Variants in HHAT observed in about 807,000 individuals in gnomAD.
HHAT encodes hedgehog acyltransferase, also known as protein-cysteine N-palmitoyltransferase HHAT.
HHAT carries 47 observed loss-of-function variants against 70.8 expected under a neutral mutation model. The ratio of observed to expected loss-of-function variants is 0.66; its 90% CI spans 0.53 to 0.85. The LOEUF (loss-of-function observed/expected upper bound fraction) is 0.85, where lower values mean the gene tolerates loss of function less well. Ranked by LOEUF, HHAT falls within the 40% of genes least tolerant of loss-of-function variation. The pLI, the probability that HHAT is intolerant of heterozygous loss-of-function variation, is 0.00. For synonymous variants in HHAT, 228 were observed against 247.6 expected (o/e 0.92, Z 0.74); for missense variants, 609 against 604.8 (o/e 1.01, Z -0.07).
At chr1:210,579,844 G>T (rs189948086) in intron 9 of HHAT, among the ~76,000 whole-genome samples, 2 of 152,162 alleles carry the variant, frequency 1.3e-5, no homozygotes, top group Non-Finnish European at 2.9e-5. Context: ...TAGAGCTTTT[G>T]TGAAGCCAGA....
At chr1:210,366,044 C>T (rs2088927231) in intron 3 of HHAT, among the ~76,000 whole-genome samples, 1 of 152,166 alleles carries the variant, frequency 6.6e-6, no homozygotes, top group Non-Finnish European at 1.5e-5. Context: ...GATCCTTCTG[C>T]CTCAGCCTCT....
chr1:210,353,264 G>A (rs1292892465), intron 2 of HHAT, among the ~76,000 whole-genome samples: 1 of 152,072 alleles, frequency 6.6e-6, no homozygotes, highest in Non-Finnish European at 1.5e-5. Context: ...ATGTGAAAAT[G>A]CAATGTACCA....
intron 9 of HHAT, among the ~76,000 whole-genome samples, chr1:210,516,894 C>T (rs902987954): frequency 5.9e-5 from 9 of 152,222 alleles, no homozygotes; most frequent in African/African-American, 2.2e-4. Flanking sequence ...GGACATGCTT[C>T]CTTTTAAGCC....
intron 7 of HHAT, among the ~76,000 whole-genome samples, chr1:210,422,271 T>C (rs1022625999): frequency 6.6e-6 from 1 of 152,234 alleles, no homozygotes; most frequent in African/African-American, 2.4e-5. Flanking sequence ...TTTCTTTGTG[T>C]TGGGAACATT....
rs143789072 is a variant in HHAT, at chr1:210,420,526, A to C, written c.856+2201A>C. On this transcript the variant is annotated intron_variant, in intron 7 of 11. Transcript: ENST00000261458. ...TCAAACTCTTTGGCACATTACCCAC[A>C]GTAAGAAATACATTTTGCCCTAATG... Among the ~76,000 whole-genome samples the C allele has an allele frequency of 2.5e-4, 38 of 152,316 alleles. No homozygotes were observed. The East Asian group carries it at 5.6e-3, about 22-fold the overall frequency.
chr1:210,546,353 A>G (rs1339497581), intron 9 of HHAT, among the ~76,000 whole-genome samples: 2 of 152,226 alleles, frequency 1.3e-5, no homozygotes, highest in Non-Finnish European at 2.9e-5. Context: ...GCCATGAAAC[A>G]TTTCAGGGAA....
At chr1:210,622,214 G>A (rs185527402) in intron 10 of HHAT, among the ~76,000 whole-genome samples, 32 of 152,272 alleles carry the variant, frequency 2.1e-4, no homozygotes, top group African/African-American at 7.5e-4. Flanking sequence ...TAATTGGAAC[G>A]CAGCTGAAAT....
At chr1:210,358,713 G>A (rs776716137) in intron 2 of HHAT, among the ~76,000 whole-genome samples, 3 of 152,208 alleles carry the variant, frequency 2.0e-5, no homozygotes. Context: ...AGCGGGGCAC[G>A]TGCCCCATGA....
intron 8 of HHAT, among the ~76,000 whole-genome samples, chr1:210,499,948 C>A (rs4298732): frequency 0.076 from 11,511 of 152,178 alleles, 596 homozygotes; most frequent in Non-Finnish European, 0.11. Context: ...ATAATAAAGT[C>A]AAATACATTT....
At chr1:210,571,539 C>T (rs923778072) in intron 9 of HHAT, among the ~76,000 whole-genome samples, 6 of 152,144 alleles carry the variant, frequency 3.9e-5, no homozygotes, top group Non-Finnish European at 7.4e-5. Context: ...CAACATTAGC[C>T]GCCTATACTG....
At chr1:210,634,818 C>T (rs1009389266) in intron 11 of HHAT, among the ~76,000 whole-genome samples, 3 of 152,192 alleles carry the variant, frequency 2.0e-5, no homozygotes, top group African/African-American at 7.2e-5. Flanking sequence ...AAATTTCTAT[C>T]AGCCAGGGCT....
chr1:210,552,069 A>G (rs1480212715), intron 9 of HHAT, among the ~76,000 whole-genome samples: 1 of 152,204 alleles, frequency 6.6e-6, no homozygotes, highest in Non-Finnish European at 1.5e-5. Flanking sequence ...CGTCTCCAGC[A>G]TTATTGATTG....
chr1:210,354,762 G>C (rs1034422426), intron 2 of HHAT, among the ~76,000 whole-genome samples: 1 of 152,184 alleles, frequency 6.6e-6, no homozygotes, highest in African/African-American at 2.4e-5. Context: ...AAATGCCTAA[G>C]TATCTGGAGT....
intron 11 of HHAT, among the ~76,000 whole-genome samples, chr1:210,663,691 C>T (rs1222151921): frequency 6.6e-6 from 1 of 152,174 alleles, no homozygotes; most frequent in East Asian, 1.9e-4. Context: ...AACAGTAGTT[C>T]CCAAAGTGTG....
intron 7 of HHAT, among the ~76,000 whole-genome samples, chr1:210,448,518 T>A (rs2093681800): frequency 6.6e-6 from 1 of 152,176 alleles, no homozygotes; most frequent in Admixed American, 6.5e-5. Flanking sequence ...ATTTAAGCAA[T>A]TCAAATTAGA....
At chr1:210,423,335 C>A (rs1005665148) in intron 7 of HHAT, among the ~76,000 whole-genome samples, 5 of 152,102 alleles carry the variant, frequency 3.3e-5, no homozygotes, top group African/African-American at 1.2e-4. Context: ...TGATATTGAG[C>A]TTTTCACATA....
chr1:210,606,741 A>G (rs986760581), intron 10 of HHAT, among the ~76,000 whole-genome samples: 1 of 152,032 alleles, frequency 6.6e-6, no homozygotes, highest in Non-Finnish European at 1.5e-5. Flanking sequence ...GTTTTTTGAG[A>G]TCTTGTATTT....
At chr1:210,400,795 C>T in intron 5 of HHAT, 133 bp downstream of exon 5, 1 of 785,332 alleles carries the variant, frequency 1.3e-6, no homozygotes, top group South Asian at 1.9e-5. Context: ...AGTGGCCGTA[C>T]AGGGTTGCTA....
At chr1:210,560,771 C>T (rs1486948161) in intron 9 of HHAT, among the ~76,000 whole-genome samples, 2 of 127,246 alleles carry the variant, frequency 1.6e-5, no homozygotes, top group Non-Finnish European at 3.2e-5. Flanking sequence ...TATGATCATG[C>T]CACTGCACTG....
Sources: allele counts gnomAD v4.1 joint callset (sites outside exome capture counted in the v4.1 genomes callset), GRCh38; gene constraint gnomAD v4.1.1; transcripts MANE v1.5; gene names NCBI Gene and HGNC (gene_info 2026-07-23, HGNC 2026-07-21).